UBR1: variants seen among roughly 807,000 people sequenced by gnomAD.
UBR1 encodes the protein ubiquitin protein ligase E3 component n-recognin 1.
UBR1 carries 102 observed loss-of-function variants against 242.1 expected under a neutral mutation model. The observed-to-expected ratio is 0.42, with a 90% CI of 0.36 to 0.50. The LOEUF (loss-of-function observed/expected upper bound fraction) is 0.50. Among genes scored for constraint, UBR1 ranks in the 20% least tolerant of loss-of-function variants. The probability of loss-of-function intolerance (pLI) is 0.01; values close to 1 mark genes in which losing one functional copy is unlikely to be tolerated. For synonymous variants in UBR1, 675 were observed against 684.8 expected (o/e 0.99, Z 0.22); for missense variants, 1,772 against 2,101.8 (o/e 0.84, Z 3.07).
At chr15:43,075,772 C>T (rs528319534) in intron 3 of UBR1, among the ~76,000 whole-genome samples, 3,206 of 151,680 alleles carry the variant, frequency 0.021, 134 homozygotes, top group African/African-American at 0.074. Flanking sequence ...TGCACCACCA[C>T]GCCTGGCTAA....
chr15:42,957,512 T>C (rs2031942917), intron 44 of UBR1, among the ~76,000 whole-genome samples: 1 of 152,166 alleles, frequency 6.6e-6, no homozygotes, highest in Admixed American at 6.6e-5. Flanking sequence ...GTTATGTGGA[T>C]TTCCCCTCAA....
chr15:43,036,372 A>C, intron 18 of UBR1, 93 bp from the exon 19 acceptor site: 10 of 1,297,762 alleles, frequency 7.7e-6, no homozygotes, highest in Non-Finnish European at 1.0e-5. Flanking sequence ...AAGTTTGCAG[A>C]AGATAATGTA....
At chr15:43,097,076 A>G (rs574986539) in intron 1 of UBR1, among the ~76,000 whole-genome samples, 3 of 152,322 alleles carry the variant, frequency 2.0e-5, no homozygotes, top group African/African-American at 7.2e-5. Context: ...CTTAAATAGT[A>G]AGAGTTGAGA....
chr15:43,094,224 G>A (rs1029443637), intron 1 of UBR1, among the ~76,000 whole-genome samples: 5 of 152,148 alleles, frequency 3.3e-5, no homozygotes, highest in African/African-American at 1.2e-4. Context: ...GAGGTCAGGA[G>A]TTTGAGACCA....
chr15:43,022,380 T>C (rs920369324), intron 26 of UBR1, among the ~76,000 whole-genome samples: 1 of 150,480 alleles, frequency 6.6e-6, no homozygotes, highest in Non-Finnish European at 1.5e-5. Flanking sequence ...CAGCAGCAAA[T>C]ATTTGATAAT....
chr15:42,993,231 C>T (rs757089040), intron 33 of UBR1, among the ~76,000 whole-genome samples: 11 of 152,148 alleles, frequency 7.2e-5, no homozygotes, highest in Non-Finnish European at 1.5e-4. Context: ...ACTCACTACC[C>T]GTAATGATAA....
At chr15:43,043,944 A>G (rs1285880341) in intron 14 of UBR1, among the ~76,000 whole-genome samples, 1 of 152,194 alleles carries the variant, frequency 6.6e-6, no homozygotes, top group Non-Finnish European at 1.5e-5. Context: ...AAAAAAAAGA[A>G]TCACAAAGAA....
chr15:43,036,999 A>C (rs1242916670), intron 17 of UBR1, among the ~76,000 whole-genome samples: 3 of 152,000 alleles, frequency 2.0e-5, no homozygotes, highest in Admixed American at 6.6e-5. Flanking sequence ...AGGTAAACGC[A>C]TAATACCATT....
intron 20 of UBR1, 98 bp downstream of exon 20, chr15:43,032,470 T>C: frequency 1.2e-6 from 1 of 805,582 alleles, no homozygotes; most frequent in Non-Finnish European, 2.0e-6. Flanking sequence ...AAATGCAGTA[T>C]ACGAATAAGG....
intron 43 of UBR1, among the ~76,000 whole-genome samples, chr15:42,958,862 A>G (rs527849722): frequency 6.6e-6 from 1 of 152,068 alleles, no homozygotes; most frequent in Admixed American, 6.6e-5. Flanking sequence ...GCAGAGTCTC[A>G]CTCTATCCCT....
At chr15:43,018,814 C>G (rs983330013) in intron 27 of UBR1, among the ~76,000 whole-genome samples, 5 of 152,150 alleles carry the variant, frequency 3.3e-5, no homozygotes, top group African/African-American at 1.2e-4. Flanking sequence ...ACAGCAGATA[C>G]ATGTGCTTTT....
At chr15:43,053,968 T>C (rs571484453) in intron 12 of UBR1, among the ~76,000 whole-genome samples, 124 of 151,982 alleles carry the variant, frequency 8.2e-4, no homozygotes, top group Non-Finnish European at 1.5e-3. Flanking sequence ...TTTTAAAAAA[T>C]GGAGTATTTT....
At chr15:43,071,823 G>A (rs1262200721) in intron 4 of UBR1, among the ~76,000 whole-genome samples, 2 of 152,026 alleles carry the variant, frequency 1.3e-5, no homozygotes, top group Non-Finnish European at 2.9e-5. Flanking sequence ...AGCCATCAGG[G>A]AATGCAAACC....
chr15:43,076,190 C>T (rs1357269498), intron 3 of UBR1, among the ~76,000 whole-genome samples: 1 of 151,838 alleles, frequency 6.6e-6, no homozygotes, highest in African/African-American at 2.4e-5. Context: ...CTGTGTTGGC[C>T]GGGCCAGTCT....
chr15:43,007,046 T>A, intron 30 of UBR1, 33 bp downstream of exon 30: 4 of 1,606,142 alleles, frequency 2.5e-6, no homozygotes, highest in Non-Finnish European at 3.4e-6. Flanking sequence ...TGAAAAGAAA[T>A]GCACAAAAGG....
intron 14 of UBR1, among the ~76,000 whole-genome samples, chr15:43,046,942 C>T (rs1042412945): frequency 2.0e-4 from 31 of 152,194 alleles, no homozygotes; most frequent in Admixed American, 3.9e-4. Context: ...CATGTATAAA[C>T]CCTGCTATTC....
At chr15:43,021,410 C>A (rs751446641) in intron 26 of UBR1, 35 bp from the exon 27 acceptor site, 19 of 1,594,670 alleles carry the variant, frequency 1.2e-5, no homozygotes, top group East Asian at 2.2e-5. Flanking sequence ...ATCATAAATA[C>A]ATAAAGTCAT....
At chr15:42,993,380 T>A (rs550151809) in intron 33 of UBR1, among the ~76,000 whole-genome samples, 23 of 151,524 alleles carry the variant, frequency 1.5e-4, no homozygotes, top group African/African-American at 4.8e-4. Flanking sequence ...TTTTTTTTTT[T>A]AAAGACAGAG....
intron 42 of UBR1, 82 bp from the exon 43 acceptor site, chr15:42,960,783 T>C: frequency 1.4e-6 from 2 of 1,438,500 alleles, no homozygotes; most frequent in Non-Finnish European, 1.9e-6. Context: ...TCTCTTTTTT[T>C]TTTGAGATGG....
Sources: allele counts gnomAD v4.1 joint callset (sites outside exome capture counted in the v4.1 genomes callset), GRCh38; gene constraint gnomAD v4.1.1; transcripts MANE v1.5; gene names NCBI Gene and HGNC (gene_info 2026-07-23, HGNC 2026-07-21).